PTPRK: variants seen among roughly 807,000 people sequenced by gnomAD.
PTPRK encodes receptor-type tyrosine-protein phosphatase kappa.
Under a neutral mutation model 178.0 loss-of-function variants are expected in PTPRK, and 75 were observed. That is an observed-to-expected ratio of 0.42 (90% CI 0.35 to 0.51). The LOEUF is 0.51. PTPRK is among the 20% of genes least tolerant of loss of function. The pLI is 0.02. For synonymous variants in PTPRK, 637 were observed against 620.6 expected, an observed-to-expected ratio of 1.03 and a Z score of -0.39; for missense variants, 1,441 against 1,797.8, an observed-to-expected ratio of 0.80 and a Z score of 3.59.
At chr6:128,145,496 T>C (rs904096758) in intron 7 of PTPRK, among the ~76,000 whole-genome samples, 1 of 152,118 alleles carries the variant, frequency 6.6e-6, no homozygotes, top group African/African-American at 2.4e-5. Flanking sequence ...GGGATCTGAG[T>C]TTATTTTAAT....
chr6:128,150,133 T>C (rs973364425), intron 7 of PTPRK, among the ~76,000 whole-genome samples: 87 of 152,200 alleles, frequency 5.7e-4, no homozygotes, highest in African/African-American at 1.9e-3. Flanking sequence ...GCGGATCTGG[T>C]TGTGATTTTA....
In PTPRK at chr6:128,502,627, T is replaced by C. The variant is rs565545507; in HGVS notation, c.100+17632A>G. ...AGCTCCTGAAAGTCAGTTGCTAAAATGTTCAGGAATTTTGTGGGCCAGTTA... is the reference window on the plus strand; with the variant it reads ...AGCTCCTGAAAGTCAGTTGCTAAAACGTTCAGGAATTTTGTGGGCCAGTTA... On this transcript the variant is annotated intron_variant, in intron 1 of 29. Transcript: ENST00000368226. Among the ~76,000 whole-genome samples, 3 of 152,334 alleles carry C rather than the reference T, an allele frequency of 2.0e-5. No individual in the cohort carries two copies. In the South Asian group the frequency reaches 6.2e-4, roughly 32 times the overall value.
chr6:128,249,833 G>A (rs1583696593), intron 3 of PTPRK, among the ~76,000 whole-genome samples: 1 of 151,938 alleles, frequency 6.6e-6, no homozygotes, highest in South Asian at 2.1e-4. Flanking sequence ...TGACGTGGTT[G>A]AAAGAAAAAA....
intron 21 of PTPRK, among the ~76,000 whole-genome samples, chr6:127,990,048 T>C (rs755177381): frequency 7.2e-5 from 11 of 152,112 alleles, no homozygotes; most frequent in Admixed American, 4.6e-4. Flanking sequence ...AATGTAACAC[T>C]TGGAGTGATC....
rs1033494393 is a variant in PTPRK at position 128,321,697 on chromosome 6, G to T, written c.495+342C>A. On this transcript the variant is annotated intron_variant, in intron 3 of 29. Transcript: ENST00000368226. ...AGGCTATTTCTTCCTGAACAAAGCT[G>T]TAGGAAAGAATCTGTCAATAAGTAG... 16 of 659,896 alleles carry T rather than the reference G, an allele frequency of 2.4e-5. No individual in the cohort carries two copies. The African/African-American group carries it at 2.7e-4, about 11-fold the overall frequency. The allele number at this position is 659,896 out of a possible 1,614,324, so 40.9% of individuals were successfully genotyped here.
At chr6:128,162,939 T>A (rs1371801694) in intron 7 of PTPRK, among the ~76,000 whole-genome samples, 1 of 151,608 alleles carries the variant, frequency 6.6e-6, no homozygotes, top group African/African-American at 2.4e-5. Context: ...TTCTACTTAT[T>A]TATGTTTAAT....
At chr6:128,464,510 G>C (rs547787590) in intron 1 of PTPRK, among the ~76,000 whole-genome samples, 1 of 150,938 alleles carries the variant, frequency 6.6e-6, no homozygotes, top group African/African-American at 2.4e-5. Flanking sequence ...TGTGCTGATA[G>C]AACCATACAT....
chr6:128,232,399 A>T (rs1260022992), intron 5 of PTPRK, among the ~76,000 whole-genome samples: 1 of 152,236 alleles, frequency 6.6e-6, no homozygotes, highest in Non-Finnish European at 1.5e-5. Flanking sequence ...TATCTTAAAA[A>T]GTAGTTAACC....
rs561565608 is a variant in PTPRK at position 128,139,191 on chromosome 6, G to A, written c.1162+45241C>T. Among the ~76,000 whole-genome samples, 17 of 152,078 alleles carry A rather than the reference G, an allele frequency of 1.1e-4. 1 individual carries two copies. The South Asian group carries it at 3.1e-3, about 28-fold the overall frequency. ...AGAGAACAACAACATTATGGAGAAC[G>A]AACAACATTATGGAGAACATTGGAT... On this transcript the variant is annotated intron_variant, in intron 7 of 29. Transcript: ENST00000368226.
intron 3 of PTPRK, among the ~76,000 whole-genome samples, chr6:128,317,873 A>C (rs1022477923): frequency 6.6e-6 from 1 of 152,148 alleles, no homozygotes; most frequent in Non-Finnish European, 1.5e-5. Context: ...CCTTACCTAC[A>C]AAGAAGCTGG....
At chr6:128,175,577 T>C (rs1056990279) in intron 7 of PTPRK, among the ~76,000 whole-genome samples, 14 of 151,782 alleles carry the variant, frequency 9.2e-5, no homozygotes, top group African/African-American at 2.9e-4. Flanking sequence ...GTTGGCATGA[T>C]GGCAATTACA....
At position 127,985,761 on chromosome 6, in the gene PTPRK, A is replaced by T; in HGVS notation, c.3211T>A (p.Ser1071Thr). Residue 1071 changes from serine to threonine, a missense_variant, in exon 22 of 30, where the codon TCA becomes ACA. By Grantham distance (58) the Ser-to-Thr change is moderately conservative. Coordinates refer to ENST00000368226, the MANE Select transcript of PTPRK (RefSeq NM_002844.4). ...LLSFIRRVKLSNPPSAGPIVV... is the reference protein window; with the variant it reads ...LLSFIRRVKLTNPPSAGPIVV... The stretch of plus-strand genomic sequence containing the variant: ...ATGGGGCCAGCACTGGGAGGGTTTG[A>T]TAACTTGACTCGCCGGATAAAGGAA... 1 of 1,614,004 alleles carries T rather than the reference A, an allele frequency of 6.2e-7. No individual in the cohort carries two copies. Among genetic ancestry groups the T allele is most frequent in the Non-Finnish European group, 8.5e-7 (1 of 1,179,926 alleles).
intron 7 of PTPRK, among the ~76,000 whole-genome samples, chr6:128,160,630 T>G (rs1215165370): frequency 6.6e-6 from 1 of 151,684 alleles, no homozygotes; most frequent in African/African-American, 2.4e-5. Context: ...TTACTCTTGC[T>G]TTCCTAAATC....
At position 127,970,232 on chromosome 6, in the gene PTPRK, A is replaced by G; in HGVS notation, c.4318T>C (p.Ser1440Pro). 6.2e-7 allele frequency: 1 copy of G among 1,608,586 alleles called. No individual in the cohort carries two copies. Among genetic ancestry groups the G allele is most frequent in the Non-Finnish European group, 8.5e-7 (1 of 1,176,514 alleles). The stretch of plus-strand genomic sequence containing the variant: ...CTTTAAAGAGTCTCACCCAACTAAG[A>G]TGATTCCAGGTACTCCAAAGCTACA... ...YDVALEYLESS is the reference protein window; with the variant it reads ...YDVALEYLESP Residue 1440 changes from serine (S) to proline (P), a missense_variant, in exon 30 of 30, where the codon TCT becomes CCT. Transcript: ENST00000368226.
intron 6 of PTPRK, among the ~76,000 whole-genome samples, chr6:128,197,348 T>C (rs759465181): frequency 6.6e-6 from 1 of 152,074 alleles, no homozygotes; most frequent in Non-Finnish European, 1.5e-5. Context: ...TTTAAATGTC[T>C]ATGTCCAGGT....
intron 1 of PTPRK, among the ~76,000 whole-genome samples, chr6:128,502,829 G>A (rs750154135): frequency 6.6e-6 from 1 of 152,118 alleles, no homozygotes; most frequent in East Asian, 1.9e-4. Context: ...ATAAGGGTGT[G>A]TTACTATGCA....
chr6:128,008,155 G>C (rs2114715162), intron 14 of PTPRK: 1 of 904,908 alleles, frequency 1.1e-6, no homozygotes, highest in Middle Eastern at 3.1e-4. Flanking sequence ...AAAACATGTA[G>C]TATGAGTCTT....
intron 1 of PTPRK, among the ~76,000 whole-genome samples, chr6:128,435,430 C>A (rs567415065): frequency 2.6e-4 from 40 of 152,008 alleles, no homozygotes; most frequent in Non-Finnish European, 4.4e-4. Context: ...TGTGGAATTA[C>A]TTTTTTAATT....
chr6:128,102,176 C>T (rs554131719), intron 7 of PTPRK, among the ~76,000 whole-genome samples: 4 of 152,200 alleles, frequency 2.6e-5, no homozygotes, highest in Admixed American at 6.5e-5. Flanking sequence ...GAATAAACTC[C>T]AAGATCAGTT....
Sources: allele counts gnomAD v4.1 joint callset (sites outside exome capture counted in the v4.1 genomes callset), GRCh38; gene constraint gnomAD v4.1.1; transcripts MANE v1.5; gene names NCBI Gene and HGNC (gene_info 2026-07-23, HGNC 2026-07-21).